Variants in C2CD3 observed in about 807,000 individuals in gnomAD.
The protein encoded by C2CD3 is C2 domain containing 3 centriole elongation regulator.
In C2CD3, 148 loss-of-function variants were observed where a neutral mutation model predicts 234.0. The ratio of observed to expected loss-of-function variants is 0.63; its 90% CI spans 0.55 to 0.72. C2CD3 has a LOEUF of 0.72. Among genes scored for constraint, C2CD3 ranks in the 30% least tolerant of loss-of-function variants. The probability of loss-of-function intolerance (pLI) is 0.00; values close to 1 mark genes in which losing one functional copy is unlikely to be tolerated. For missense variants in C2CD3, 2,577 were observed against 2,811.5 expected, an observed-to-expected ratio of 0.92 and a Z score of 1.89; for synonymous variants, 1,000 against 1,035.4, an observed-to-expected ratio of 0.97 and a Z score of 0.66.
chr11:74,119,720 C>T (rs1398902958), intron 8 of C2CD3, among the ~76,000 whole-genome samples: 2 of 151,294 alleles, frequency 1.3e-5, no homozygotes, highest in African/African-American at 4.9e-5. Context: ...ACTGCAACCT[C>T]TGCCTCCCAG....
At chr11:74,085,136 G>A (rs1955581864) in intron 21 of C2CD3, among the ~76,000 whole-genome samples, 166 bp from the exon 22 acceptor site, 1 of 149,090 alleles carries the variant, frequency 6.7e-6, no homozygotes, top group Non-Finnish European at 1.5e-5. Flanking sequence ...AAGCCTGAAT[G>A]CCTTCATTTT....
At chr11:74,126,624 A>G (rs1038073103) in intron 7 of C2CD3, among the ~76,000 whole-genome samples, 1 of 152,172 alleles carries the variant, frequency 6.6e-6, no homozygotes, top group Non-Finnish European at 1.5e-5. Flanking sequence ...TGCGCCTGCA[A>G]TCCCAGCTAC....
intron 3 of C2CD3, among the ~76,000 whole-genome samples, chr11:74,140,551 C>CT (rs916801361): frequency 6.6e-6 from 1 of 151,362 alleles, no homozygotes. Flanking sequence ...TTCGAAGATT[C>CT]TTTTTTTTTA....
chr11:74,057,392 C>T lies in C2CD3; in HGVS notation c.5090+14G>A, dbSNP rs757744288. The T allele has an allele frequency of 2.9e-5, 47 of 1,613,634 alleles. 1 individual carries two copies. Among genetic ancestry groups the T allele is most frequent in the South Asian group, 1.8e-4 (16 of 91,056 alleles). On this transcript the variant is annotated intron_variant, in intron 25 of 32. Transcript: ENST00000334126. ...CAGATTCTGGAAGGCTGACGAATAA[C>T]GGATAACACAAACCTTGACTGCTGT...
chr11:74,034,709 A>G, intron 30 of C2CD3: 1 of 936,172 alleles, frequency 1.1e-6, no homozygotes, highest in South Asian at 1.3e-5. Flanking sequence ...GGAAATATCT[A>G]TCACCCATAT....
chr11:74,057,122 A>T (rs920726597), intron 25 of C2CD3, among the ~76,000 whole-genome samples: 3 of 152,064 alleles, frequency 2.0e-5, no homozygotes, highest in Non-Finnish European at 4.4e-5. Context: ...CCTCAATTGC[A>T]TGGAGTATCT....
intron 21 of C2CD3, 128 bp from the exon 22 acceptor site, chr11:74,085,098 T>G: frequency 1.8e-6 from 1 of 558,764 alleles, no homozygotes; most frequent in Non-Finnish European, 3.2e-6. Flanking sequence ...CATTAGAGAT[T>G]ATCTTGCTCT....
At chr11:74,018,745 G>A (rs1208779827) in intron 32 of C2CD3, among the ~76,000 whole-genome samples, 1 of 152,160 alleles carries the variant, frequency 6.6e-6, no homozygotes, top group African/African-American at 2.4e-5. Context: ...GGGAAGTGAG[G>A]ACAAGGCACT....
intron 3 of C2CD3, among the ~76,000 whole-genome samples, 162 bp from the exon 4 acceptor site, chr11:74,139,990 G>T (rs10751230): frequency 3.4e-5 from 1 of 29,052 alleles, no homozygotes; most frequent in Non-Finnish European, 8.1e-5. Flanking sequence ...CCATTCCCTA[G>T]AGGATTGTAA....
intron 19 of C2CD3, among the ~76,000 whole-genome samples, chr11:74,091,852 T>C (rs1955905067): frequency 6.6e-6 from 1 of 152,202 alleles, no homozygotes; most frequent in South Asian, 2.1e-4. Flanking sequence ...CATGGAGCTA[T>C]GAGTTTTCTA....
At position 74,093,932 on chromosome 11, in the gene C2CD3, T is replaced by C; in HGVS notation, c.3228A>G (p.Glu1076=). The C allele has an allele frequency of 6.2e-7, 1 of 1,613,964 alleles. No individual in the cohort carries two copies. Among genetic ancestry groups the C allele is most frequent in the Non-Finnish European group, 8.5e-7 (1 of 1,179,838 alleles). The change falls in exon 18 of 33, where the codon GAA becomes GAG. Residue 1076 remains glutamate, a synonymous_variant. Transcript: ENST00000334126. ...CTGGCAACAGGAGAGAGTGATGGTGTTCACTATTAAAGATGGGATCTGGAA... is the reference window on the plus strand; with the variant it reads ...CTGGCAACAGGAGAGAGTGATGGTGCTCACTATTAAAGATGGGATCTGGAA... ...LCVPDPIFNS[E]HHHSLLLPAE...
chr11:74,129,765 T>G (rs11236013), intron 7 of C2CD3: 17,979 of 176,558 alleles, frequency 0.1, 1,372 homozygotes, highest in East Asian at 0.22. Flanking sequence ...ATCACGCCAC[T>G]GCACTCCAGC....
chr11:74,085,021 G>A (rs1424666903), intron 21 of C2CD3, 51 bp from the exon 22 acceptor site: 18 of 1,044,776 alleles, frequency 1.7e-5, no homozygotes, highest in Non-Finnish European at 2.4e-5. Flanking sequence ...ATTCATCAAG[G>A]GGCTAGTTTA....
At chr11:74,117,021 CGTGTATATGTATATATACGT>C (rs1466710365) in intron 9 of C2CD3, among the ~76,000 whole-genome samples, 14 of 98,800 alleles carry the variant, frequency 1.4e-4, no homozygotes, top group African/African-American at 2.5e-4. Context: ...CACATATATA[CGTGTATATGTATATATACGT>C]GTGTGTGTAT....
rs188230240 is a variant in C2CD3, at chr11:74,083,580, T to G, written c.4000+1301A>C. Among the ~76,000 whole-genome samples the G allele has an allele frequency of 1.9e-3, 285 of 152,204 alleles. 2 individuals are homozygous for G. Among genetic ancestry groups the G allele is most frequent in the African/African-American group, 6.5e-3 (271 of 41,500 alleles). On this transcript the variant is annotated intron_variant, in intron 22 of 32. Transcript: ENST00000334126. Reference sequence around the variant, plus strand: ...CTAATATCCAGAATCTATAAATAACTTAAACAAACTTACAAGAAAAAAACA... The same window carrying G: ...CTAATATCCAGAATCTATAAATAACGTAAACAAACTTACAAGAAAAAAACA...
At chr11:74,146,572 T>C (rs76401250) in intron 3 of C2CD3, among the ~76,000 whole-genome samples, 1,922 of 152,256 alleles carry the variant, frequency 0.013, 34 homozygotes, top group African/African-American at 0.043. Context: ...TGACAAAGGA[T>C]GATGATCCTG....
intron 14 of C2CD3, among the ~76,000 whole-genome samples, chr11:74,102,801 AAAG>A (rs1162407362): frequency 1.3e-5 from 2 of 152,234 alleles, no homozygotes; most frequent in East Asian, 1.9e-4. Flanking sequence ...ATAAAGTAAT[AAAG>A]AAGGAGAGAT....
At chr11:74,078,094 T>G in intron 23 of C2CD3, 21 bp downstream of exon 23, 1 of 1,601,280 alleles carries the variant, frequency 6.2e-7, no homozygotes, top group South Asian at 1.1e-5. Flanking sequence ...CTACAAGAGT[T>G]GAATCAGGCT....
At position 74,168,491 on chromosome 11, in the gene C2CD3, G is replaced by A. The variant is rs1218357923; in HGVS notation, c.178C>T (p.Leu60Phe). Residue 60 changes from leucine to phenylalanine, a missense_variant, in exon 2 of 33, where the codon CTT (leucine) becomes TTT (phenylalanine). Transcript: ENST00000334126. ...WKIAKPPTCV[L>F]VRVRWWGETS... ...TCTCCCCACCATCTCACTCGGACAA[G>A]TACACAAGTGGGAGGCTTTGCAATC... is the stretch of plus-strand genomic sequence containing the variant. The A allele has an allele frequency of 6.2e-7, 1 of 1,614,060 alleles. No individual in the cohort carries two copies. Among genetic ancestry groups the A allele is most frequent in the Non-Finnish European group, 8.5e-7 (1 of 1,180,018 alleles).
Sources: gnomAD v4.1 joint callset for allele counts (sites outside exome capture counted in the v4.1 genomes callset) on GRCh38, gnomAD v4.1.1 for gene constraint, MANE v1.5 for transcripts, NCBI Gene and HGNC (gene_info 2026-07-23, HGNC 2026-07-21) for gene names.